The following COL4A4 variants were observed in gnomAD, a reference collection of about 807,000 sequenced individuals.
The protein encoded by COL4A4 is collagen alpha-4(IV) chain.
COL4A4 carries 105 observed loss-of-function variants against 192.9 expected under a neutral mutation model. The observed-to-expected ratio is 0.54, with a 90% CI of 0.46 to 0.64. COL4A4 has a LOEUF of 0.64. COL4A4 is among the 30% of genes least tolerant of loss of function. COL4A4 has a pLI of 0.00. For missense variants in COL4A4, 1,967 were observed against 2,169.3 expected (o/e 0.91, Z 1.85); for synonymous variants, 762 against 769.9 (o/e 0.99, Z 0.17).
At chr2:227,036,417 T>A (rs1969687858) in intron 37 of COL4A4, among the ~76,000 whole-genome samples, 1 of 152,168 alleles carries the variant, frequency 6.6e-6, no homozygotes, top group Non-Finnish European at 1.5e-5. Context: ...TGCGACTTCT[T>A]CCTGGTTTTA....
chr2:227,128,805 C>T (rs532196146), intron 4 of COL4A4, among the ~76,000 whole-genome samples: 2 of 152,242 alleles, frequency 1.3e-5, no homozygotes, highest in African/African-American at 4.8e-5. Flanking sequence ...TGATCTTCTC[C>T]CCACTGCCCC....
At chr2:226,989,319 A>C in the COL4A4 span, among the ~76,000 whole-genome samples, 1 of 152,218 alleles carries the variant, frequency 6.6e-6, no homozygotes, top group African/African-American at 2.4e-5. Flanking sequence ...GGATCCACTT[A>C]TGGACAAAAA....
the COL4A4 span, chr2:226,988,307 C>G: frequency 1.3e-6 from 2 of 1,544,240 alleles, no homozygotes. Context: ...TTCCCTTCCA[C>G]TGTGCCCCAC....
At chr2:227,124,658 C>T (rs534314429) in intron 4 of COL4A4, among the ~76,000 whole-genome samples, 1 of 152,148 alleles carries the variant, frequency 6.6e-6, no homozygotes, top group South Asian at 2.1e-4. Flanking sequence ...TGAGCACAAA[C>T]CATTTGGGGT....
Position 227,030,588 on chromosome 2 carries a change from C to T in COL4A4, c.3828G>A (p.Gly1276=), listed in dbSNP as rs765644543. Residue 1276 remains glycine, a synonymous_variant, in exon 41 of 48, where the codon GGG becomes GGA. Coordinates refer to ENST00000396625, the MANE Select transcript of COL4A4 (RefSeq NM_000092.5). The stretch of plus-strand genomic sequence containing the variant: ...CAACACTCCCAGGGAGGCCTGGAGG[C>T]CCAGGTGCTCCTGACCACAGAGAAG... ...PGPDGPRGAP[G]PPGLPGSVDL... is the part of the protein sequence containing the mutation. The T allele has an allele frequency of 1.1e-5, 18 of 1,604,374 alleles. No homozygotes were observed. Among genetic ancestry groups the T allele is most frequent in the Middle Eastern group, 1.7e-4 (1 of 6,014 alleles).
chr2:227,076,213 G>C (rs1338402239), intron 25 of COL4A4, among the ~76,000 whole-genome samples: 1 of 152,154 alleles, frequency 6.6e-6, no homozygotes, highest in Non-Finnish European at 1.5e-5. Flanking sequence ...CAAAGCTGGA[G>C]GGATCAAGCT....
chr2:226,994,464 C>A, the COL4A4 span, among the ~76,000 whole-genome samples: 2 of 152,278 alleles, frequency 1.3e-5, no homozygotes, highest in Admixed American at 1.3e-4. Flanking sequence ...GTTGACCTAG[C>A]ATTACAAGAG....
At position 227,148,161 on chromosome 2, in the gene COL4A4, C is replaced by A. The variant is rs148673391; in HGVS notation, c.-101-577G>T. 5.0e-3 allele frequency among the ~76,000 whole-genome samples: 755 copies of A among 152,126 alleles called. 10 individuals carry two copies. The highest frequency in any genetic ancestry group is 0.018 in the African/African-American group (729 of 41,496). On this transcript the variant is annotated intron_variant, in intron 1 of 47. Transcript: ENST00000396625. ...GCAATTCTACTCCTGGGTATATGCC[C>A]AAAATAATTGAAAACACATGTTCAC...
intron 4 of COL4A4, among the ~76,000 whole-genome samples, chr2:227,134,138 A>T (rs2062664511): frequency 6.6e-6 from 1 of 152,090 alleles, no homozygotes; most frequent in Non-Finnish European, 1.5e-5. Flanking sequence ...TTTTTTAAAA[A>T]TTCTGAATTC....
chr2:227,053,450 G>A (rs368948482), intron 31 of COL4A4, among the ~76,000 whole-genome samples: 1 of 151,962 alleles, frequency 6.6e-6, no homozygotes, highest in African/African-American at 2.4e-5. Flanking sequence ...CTAAGGAGTA[G>A]GAGTAAATAT....
In COL4A4 at chr2:227,103,982, T is replaced by C. The variant is rs1486055358; in HGVS notation, c.806A>G (p.Lys269Arg). The change falls in exon 13 of 48, where the codon AAA (lysine) becomes AGA (arginine). Residue 269 changes from lysine (K) to arginine (R), a missense_variant. Lys to Arg is a conservative substitution (Grantham distance 26). Transcript: ENST00000396625. Reference sequence around the variant, plus strand: ...GGATTTGGGAATTACCTTTTCTCCTTTATAGAGACAAAAGTCAGGTGGCTC... The same window carrying C: ...GGATTTGGGAATTACCTTTTCTCCTCTATAGAGACAAAAGTCAGGTGGCTC... ...LVEPPDFCLY[K>R]GEKGIKGIPG... The C allele has an allele frequency of 6.2e-7, 1 of 1,613,328 alleles. No individual in the cohort carries two copies. Among genetic ancestry groups the C allele is most frequent in the East Asian group, 2.2e-5 (1 of 44,862 alleles).
chr2:226,997,207 C>G, the COL4A4 span: 1 of 152,150 alleles, frequency 6.6e-6, no homozygotes, highest in African/African-American at 2.4e-5. Context: ...ACTACATCTT[C>G]TTTATAATAT....
chr2:227,100,905 T>C (rs1014271168), intron 17 of COL4A4, among the ~76,000 whole-genome samples: 8 of 151,730 alleles, frequency 5.3e-5, no homozygotes, highest in Non-Finnish European at 1.2e-4. Context: ...CCCAGGTTCA[T>C]GCCATTCTCC....
chr2:227,063,048 C>T (rs935453681), intron 25 of COL4A4, among the ~76,000 whole-genome samples: 4 of 152,170 alleles, frequency 2.6e-5, no homozygotes, highest in Non-Finnish European at 5.9e-5. Context: ...CTGACTCTTA[C>T]TATGAACATG....
chr2:226,995,571 T>C, the COL4A4 span: 1 of 1,260,170 alleles, frequency 7.9e-7, no homozygotes, highest in African/African-American at 1.5e-5. Context: ...ATTGCCCATT[T>C]GGCTCATTCC....
In COL4A4 at chr2:227,010,304, T is replaced by C. The variant is rs1312754954; in HGVS notation, c.4522+9A>G. 8 of 1,614,116 alleles carry C rather than the reference T, an allele frequency of 5.0e-6. No homozygotes were observed. The African/African-American group carries it at 9.3e-5, about 19-fold the overall frequency. ...CAGGCAATGGAGATGGGCGATCCTG[T>C]ATCCATACCAAGGTCTTGATTGTGA... is the stretch of plus-strand genomic sequence containing the variant. On this transcript the variant is annotated intron_variant, in intron 46 of 47. Transcript: ENST00000396625.
At chr2:227,149,237 G>A (rs2125409054) in intron 1 of COL4A4, among the ~76,000 whole-genome samples, 1 of 152,286 alleles carries the variant, frequency 6.6e-6, no homozygotes, top group South Asian at 2.1e-4. Context: ...GTAAGTGGTA[G>A]AACAACATTC....
In COL4A4 at chr2:227,004,360, G is replaced by GTGTC. The variant is rs1460701427; in HGVS notation, c.*2961_*2964dup. 6.6e-6 allele frequency: 1 copy of GTGTC among 152,394 alleles called. No homozygotes were observed. The highest frequency in any genetic ancestry group is 6.5e-5 in the Admixed American group (1 of 15,286). The allele number at this position is 152,394 out of a possible 1,614,324, so 9.4% of individuals were successfully genotyped here. A position where few individuals can be genotyped will look rare whatever the true frequency, so the allele number is the denominator to read the frequency against. On this transcript the variant is annotated 3_prime_UTR_variant, in exon 48 of 48. Coordinates refer to ENST00000396625, the MANE Select transcript of COL4A4 (RefSeq NM_000092.5). ...GAGCAAAGTCGAAGAGGTGCTGGGA[G>GTGTC]TGTCTGCAGAGCTGCACACAGTTCA...
chr2:227,142,840 A>T (rs1346909066), intron 3 of COL4A4, among the ~76,000 whole-genome samples: 1 of 152,134 alleles, frequency 6.6e-6, no homozygotes, highest in Non-Finnish European at 1.5e-5. Flanking sequence ...AAAACAAATA[A>T]TATAGACACA....
Sources: gnomAD v4.1 joint callset for allele counts (sites outside exome capture counted in the v4.1 genomes callset) on GRCh38, gnomAD v4.1.1 for gene constraint, MANE v1.5 for transcripts, NCBI Gene and HGNC (gene_info 2026-07-23, HGNC 2026-07-21) for gene names.